IDO2: variants seen among roughly 807,000 people sequenced by gnomAD.
IDO2 encodes indoleamine 2,3-dioxygenase-like 1 protein.
Under a neutral mutation model 45.1 loss-of-function variants are expected in IDO2, and 46 were observed. The observed-to-expected ratio is 1.02, with a 90% CI of 0.80 to 1.30. The LOEUF is 1.30. IDO2 is among the 50% of genes most tolerant of loss of function. The pLI, the probability that IDO2 is intolerant of heterozygous loss-of-function variation, is 0.00. For synonymous variants in IDO2, 218 were observed against 184.9 expected (o/e 1.18, Z -1.45); for missense variants, 544 against 491.8 (o/e 1.11, Z -1.00).
chr8:39,985,838 A>T, intron 6 of IDO2: 13 of 239,050 alleles, frequency 5.4e-5, no homozygotes, highest in South Asian at 1.4e-4. Context: ...TTGAAGTTTA[A>T]TTTTTTTTTT....
At chr8:39,948,527 T>G (rs370716281) in intron 1 of IDO2, among the ~76,000 whole-genome samples, 1 of 152,206 alleles carries the variant, frequency 6.6e-6, no homozygotes, top group Admixed American at 6.5e-5. Flanking sequence ...ATGTTTGTAA[T>G]GCAGATCCCT....
Position 39,982,775 on chromosome 8 carries a change from G to C in IDO2, c.434+5G>C. ...GACCAAAAAAGATCCAGACGGGTAA[G>C]GAAGGAAGAGAATGCTTTGAATTTC... On this transcript the variant is annotated splice_donor_5th_base_variant and intron_variant, in intron 5 of 10. Transcript: ENST00000502986. The C allele has an allele frequency of 6.5e-7, 1 of 1,528,388 alleles. No individual in the cohort carries two copies. The highest frequency in any genetic ancestry group is 1.4e-5 in the African/African-American group (1 of 72,834). The allele number at this position is 1,528,388 out of a possible 1,614,324, so 94.7% of individuals were successfully genotyped here.
chr8:40,007,723 A>G (rs1487751358), intron 9 of IDO2, among the ~76,000 whole-genome samples: 1 of 152,174 alleles, frequency 6.6e-6, no homozygotes, highest in East Asian at 1.9e-4. Flanking sequence ...ACAATTTACC[A>G]CAAATTTAGC....
intron 10 of IDO2, among the ~76,000 whole-genome samples, chr8:40,014,878 G>A (rs182680190): frequency 4.7e-4 from 71 of 152,296 alleles, no homozygotes; most frequent in Admixed American, 1.2e-3. Context: ...ATTGGGCACC[G>A]TGGGTCATGC....
At chr8:40,006,983 C>G (rs1802234308) in intron 9 of IDO2, among the ~76,000 whole-genome samples, 1 of 152,074 alleles carries the variant, frequency 6.6e-6, no homozygotes, top group Admixed American at 6.6e-5. Flanking sequence ...TTTAGATACT[C>G]TCTTTGCTTA....
intron 1 of IDO2, among the ~76,000 whole-genome samples, chr8:39,938,155 T>A (rs1807585921): frequency 6.6e-6 from 1 of 152,184 alleles, no homozygotes; most frequent in Non-Finnish European, 1.5e-5. Flanking sequence ...TGTAGCAGAA[T>A]TTTCTAGCCA....
At chr8:39,976,511 A>G (rs1808261139) in intron 3 of IDO2, among the ~76,000 whole-genome samples, 1 of 152,216 alleles carries the variant, frequency 6.6e-6, no homozygotes, top group Non-Finnish European at 1.5e-5. Flanking sequence ...GTAAATAGAT[A>G]TTACATGTGT....
At chr8:40,014,632 C>T (rs1010557324) in intron 10 of IDO2, among the ~76,000 whole-genome samples, 6 of 152,150 alleles carry the variant, frequency 3.9e-5, no homozygotes, top group Non-Finnish European at 7.4e-5. Flanking sequence ...CAGCTACCAA[C>T]GGGATACTTT....
At chr8:39,969,899 A>C (rs888281231) in intron 3 of IDO2, among the ~76,000 whole-genome samples, 4 of 151,952 alleles carry the variant, frequency 2.6e-5, no homozygotes, top group Non-Finnish European at 5.9e-5. Flanking sequence ...AAAATATCTA[A>C]AGCTAGAAAT....
At chr8:39,958,549 A>G (rs1441525566) in intron 2 of IDO2, among the ~76,000 whole-genome samples, 2 of 152,220 alleles carry the variant, frequency 1.3e-5, no homozygotes, top group African/African-American at 4.8e-5. Context: ...GACGTCTGCC[A>G]CCACATCAAA....
intron 8 of IDO2, among the ~76,000 whole-genome samples, chr8:40,004,692 A>G (rs893540827): frequency 6.6e-6 from 1 of 152,244 alleles, no homozygotes; most frequent in Non-Finnish European, 1.5e-5. Flanking sequence ...AACCTTCGAA[A>G]AGAAATTTAG....
At chr8:39,992,162 C>T (rs1486676624) in intron 8 of IDO2, among the ~76,000 whole-genome samples, 1 of 152,188 alleles carries the variant, frequency 6.6e-6, no homozygotes, top group African/African-American at 2.4e-5. Flanking sequence ...GGACTCTGTG[C>T]CCCTACTTGT....
chr8:39,942,239 G>C (rs1254918504), intron 1 of IDO2, among the ~76,000 whole-genome samples: 1 of 152,162 alleles, frequency 6.6e-6, no homozygotes, highest in Non-Finnish European at 1.5e-5. Flanking sequence ...TAAACATTAT[G>C]GATTTCCTGC....
chr8:39,962,806 A>G (rs1450259321), intron 2 of IDO2, among the ~76,000 whole-genome samples: 2 of 152,194 alleles, frequency 1.3e-5, no homozygotes, highest in African/African-American at 2.4e-5. Context: ...CAAGCAAACC[A>G]TAGGTAGTAT....
chr8:39,936,044 A>G (rs1807542718), intron 1 of IDO2, among the ~76,000 whole-genome samples: 1 of 152,230 alleles, frequency 6.6e-6, no homozygotes, highest in South Asian at 2.1e-4. Flanking sequence ...ACAATGTATT[A>G]TCCAAATGAT....
intron 9 of IDO2, among the ~76,000 whole-genome samples, chr8:40,005,892 C>T (rs1221252454): frequency 1.3e-5 from 2 of 152,154 alleles, no homozygotes; most frequent in Non-Finnish European, 2.9e-5. Context: ...GATTATGTCT[C>T]CTCTGAGAGG....
Position 39,958,024 on chromosome 8 carries a change from G to GCCTC in IDO2, c.100-5581_100-5578dup, listed in dbSNP as rs1162891686. Among the ~76,000 whole-genome samples the GCCTC allele has an allele frequency of 3.4e-5, 5 of 149,180 alleles. No homozygotes were observed. In the East Asian group the frequency reaches 6.1e-4, roughly 18 times the overall value. On this transcript the variant is annotated intron_variant, in intron 2 of 10. Transcript: ENST00000502986. ...GGGTTCACGCCATTCTCCCGCCTCAGCCTCCCGAGTAGCTGGGATTACAGG... is the reference window on the plus strand; with the variant it reads ...GGGTTCACGCCATTCTCCCGCCTCAGCCTCCCTCCCGAGTAGCTGGGATTACAGG...
rs143658548 is a variant in IDO2, at chr8:39,936,831, A to T, written c.-18+1613A>T. ...CATTTGTTTGAAACTGAAATCTATA[A>T]TTTCCAAAGAAGAAAATAAACGTGG... On this transcript the variant is annotated intron_variant, in intron 1 of 10. Coordinates refer to ENST00000502986, the Ensembl canonical transcript of IDO2. Among the ~76,000 whole-genome samples, 363 of 152,306 alleles carry T rather than the reference A, an allele frequency of 2.4e-3. 1 individual carries two copies. The highest frequency in any genetic ancestry group is 8.0e-3 in the African/African-American group (331 of 41,564).
At chr8:39,941,117 G>A in intron 1 of IDO2, among the ~76,000 whole-genome samples, 1 of 150,092 alleles carries the variant, frequency 6.7e-6, no homozygotes, top group Non-Finnish European at 1.5e-5. Context: ...AGCTACTCAG[G>A]AGGCTGAGGC....
Sources: gnomAD v4.1 joint callset for allele counts (sites outside exome capture counted in the v4.1 genomes callset) on GRCh38, gnomAD v4.1.1 for gene constraint, MANE v1.5 for transcripts, NCBI Gene and HGNC (gene_info 2026-07-23, HGNC 2026-07-21) for gene names.